RSF1: variants seen among roughly 807,000 people sequenced by gnomAD.
The protein encoded by RSF1 is remodeling and spacing factor 1, also known as HBV pX-associated protein 8.
A neutral mutation model predicts 145.2 loss-of-function variants in RSF1; 13 were observed. The ratio of observed to expected loss-of-function variants is 0.09; its 90% CI spans 0.06 to 0.14. The LOEUF (loss-of-function observed/expected upper bound fraction) is 0.14, where lower values mean the gene tolerates loss of function less well. RSF1 is among the 10% of genes least tolerant of loss of function. RSF1 has a pLI of 1.00. For synonymous variants in RSF1, 577 were observed against 592.6 expected, an observed-to-expected ratio of 0.97 and a Z score of 0.38; for missense variants, 1,517 against 1,718.2, an observed-to-expected ratio of 0.88 and a Z score of 2.07.
chr11:77,839,557 A>G, the RSF1 span, among the ~76,000 whole-genome samples: 1 of 152,224 alleles, frequency 6.6e-6, no homozygotes, highest in Non-Finnish European at 1.5e-5. Context: ...TAGCGAAGAC[A>G]TGGAATCAAC....
the RSF1 span, chr11:77,868,695 GTTGTTT>G: frequency 4.4e-4 from 85 of 192,746 alleles, no homozygotes; most frequent in African/African-American, 1.9e-3. Flanking sequence ...TGTTGTTGTT[GTTGTTT>G]TTTAACACAA....
chr11:77,860,614 G>T, the RSF1 span, among the ~76,000 whole-genome samples: 1 of 152,232 alleles, frequency 6.6e-6, no homozygotes, highest in Non-Finnish European at 1.5e-5. Flanking sequence ...GTCCAGGTGT[G>T]AGAACTGGCT....
At chr11:77,680,668 C>T (rs1022398368) in intron 11 of RSF1, among the ~76,000 whole-genome samples, 1 of 152,178 alleles carries the variant, frequency 6.6e-6, no homozygotes, top group African/African-American at 2.4e-5. Flanking sequence ...TCTTCTTTTA[C>T]AATGTAATTT....
intron 5 of RSF1, among the ~76,000 whole-genome samples, chr11:77,705,228 T>C (rs897741952): frequency 6.6e-6 from 1 of 152,132 alleles, no homozygotes; most frequent in Non-Finnish European, 1.5e-5. Flanking sequence ...CCAAAGTTTG[T>C]CAAAAGAAAG....
chr11:77,758,033 T>C (rs1002203583), intron 2 of RSF1, among the ~76,000 whole-genome samples: 1 of 150,564 alleles, frequency 6.6e-6, no homozygotes, highest in African/African-American at 2.4e-5. Context: ...CTGGGGAGGC[T>C]GAAGTAAGTG....
At chr11:77,761,828 ATTTTTTT>A (rs11381383) in intron 2 of RSF1, among the ~76,000 whole-genome samples, 1 of 119,576 alleles carries the variant, frequency 8.4e-6, no homozygotes, top group Non-Finnish European at 1.6e-5. Flanking sequence ...CCATTCGGTG[ATTTTTTT>A]TTTTTTTTTT....
At chr11:77,685,276 G>A in intron 9 of RSF1, 117 bp from the exon 10 acceptor site, 2 of 511,162 alleles carry the variant, frequency 3.9e-6, no homozygotes, top group Non-Finnish European at 6.8e-6. Context: ...CAGAGGGTAA[G>A]TCACAGAAAT....
At chr11:77,856,533 C>T in the RSF1 span, among the ~76,000 whole-genome samples, 18 of 152,142 alleles carry the variant, frequency 1.2e-4, no homozygotes, top group South Asian at 2.1e-4. Context: ...TAAAGAGCTA[C>T]CTGAGACTGG....
rs748113996 is a variant in RSF1 at position 77,732,604 on chromosome 11, G to T, written c.579-6905C>A. Among the ~76,000 whole-genome samples, 8 of 152,036 alleles carry T rather than the reference G, an allele frequency of 5.3e-5. 1 individual carries two copies. Among genetic ancestry groups the T allele is most frequent in the Non-Finnish European group, 4.4e-5 (3 of 68,012 alleles). ...TCCGGTGGAAGGCGATTGAATTAAG[G>T]GTGCAGGTTCATTTCCTGTGAGTGA... On this transcript the variant is annotated intron_variant, in intron 4 of 15. Transcript: ENST00000308488.
chr11:77,757,319 G>C (rs917991582), intron 2 of RSF1, among the ~76,000 whole-genome samples: 1 of 152,150 alleles, frequency 6.6e-6, no homozygotes, highest in African/African-American at 2.4e-5. Context: ...ACAGTGAGCA[G>C]GTCTGTGAAA....
chr11:77,825,042 G>A (rs868421299), upstream of RSF1, among the ~76,000 whole-genome samples: 2 of 152,002 alleles, frequency 1.3e-5, no homozygotes, highest in Admixed American at 6.6e-5. Context: ...GTGCAGTGAC[G>A]CGATCTCAGC....
the RSF1 span, among the ~76,000 whole-genome samples, chr11:77,862,841 G>A: frequency 6.6e-6 from 1 of 152,170 alleles, no homozygotes; most frequent in Non-Finnish European, 1.5e-5. Flanking sequence ...TGGCCAGGTG[G>A]TACTGCAGAA....
At chr11:77,762,408 T>G (rs1265753427) in intron 2 of RSF1, 1 of 152,206 alleles carries the variant, frequency 6.6e-6, no homozygotes, top group African/African-American at 2.4e-5. Context: ...ATCCACCCCC[T>G]CCTTTCCATC....
chr11:77,782,409 C>T (rs977089199), intron 1 of RSF1, among the ~76,000 whole-genome samples: 18 of 152,042 alleles, frequency 1.2e-4, no homozygotes, highest in Admixed American at 3.3e-4. Context: ...GGTGTGGTGG[C>T]GCGCACCTGT....
chr11:77,667,277 G>C lies in RSF1; in HGVS notation c.3966C>G (p.Ala1322=). Residue 1322 remains alanine, a synonymous_variant, in exon 16 of 16, where the codon GCC becomes GCG. Coordinates refer to ENST00000308488, the MANE Select transcript of RSF1 (RefSeq NM_016578.4). ...GCAGGACCCTAGGCTGGCTGTCACG[G>C]GCAGGCTGATTTGCATCTCCATGAG... is the stretch of plus-strand genomic sequence containing the variant. ...DNAHGDANQP[A]RDSQPRVLPS... is the part of the protein sequence containing the mutation. 1.2e-6 allele frequency: 2 copies of C among 1,614,128 alleles called. No homozygotes were observed. The highest frequency in any genetic ancestry group is 1.7e-6 in the Non-Finnish European group (2 of 1,180,012).
chr11:77,690,171 A>AC (rs1483460130), intron 9 of RSF1, among the ~76,000 whole-genome samples: 3 of 151,728 alleles, frequency 2.0e-5, no homozygotes, highest in Non-Finnish European at 2.9e-5. Context: ...CAAAAAAAAA[A>AC]AAAAAAAAAC....
chr11:77,787,503 T>A (rs1645918552), intron 1 of RSF1, among the ~76,000 whole-genome samples: 1 of 152,128 alleles, frequency 6.6e-6, no homozygotes, highest in African/African-American at 2.4e-5. Flanking sequence ...GCTTTTACAC[T>A]ACAGTAGAAG....
rs748262647 is a variant in RSF1, at chr11:77,764,701, G to GA, written c.188-13dup. The GA allele has an allele frequency of 2.5e-5, 37 of 1,467,032 alleles. No individual in the cohort carries two copies. The highest frequency in any genetic ancestry group is 1.7e-4 in the Middle Eastern group (1 of 5,744). 90.9% of individuals were successfully genotyped at this position (1,467,032 alleles called of 1,614,324 possible). A position where few individuals can be genotyped will look rare whatever the true frequency, so the allele number is the denominator to read the frequency against. On this transcript the variant is annotated splice_polypyrimidine_tract_variant and intron_variant, in intron 1 of 15. Transcript: ENST00000308488. ...CAATTCTTTTGGTACTTAAAAGAAAGAAAAAAAATATCATTAGCCAACAAA... is the reference window on the plus strand; with the variant it reads ...CAATTCTTTTGGTACTTAAAAGAAAGAAAAAAAAATATCATTAGCCAACAAA...
chr11:77,852,530 G>A, the RSF1 span, among the ~76,000 whole-genome samples: 1 of 151,928 alleles, frequency 6.6e-6, no homozygotes, highest in Non-Finnish European at 1.5e-5. Context: ...CTCCCATCAG[G>A]TCCCTCCTCC....
Sources: gnomAD v4.1 joint callset for allele counts (sites outside exome capture counted in the v4.1 genomes callset) on GRCh38, gnomAD v4.1.1 for gene constraint, MANE v1.5 for transcripts, NCBI Gene and HGNC (gene_info 2026-07-23, HGNC 2026-07-21) for gene names.